Variants in HRH1 observed in about 807,000 individuals in gnomAD.
HRH1 encodes histamine receptor H1.
Under a neutral mutation model 10.3 loss-of-function variants are expected in HRH1, and 6 were observed. The ratio of observed to expected loss-of-function variants is 0.58; its 90% CI spans 0.32 to 1.15. The LOEUF (loss-of-function observed/expected upper bound fraction) is 1.15. Ranked by LOEUF, HRH1 falls within the 50% of genes most tolerant of loss-of-function variation. The probability of loss-of-function intolerance (pLI) is 0.05; values close to 1 mark genes in which losing one functional copy is unlikely to be tolerated. For missense variants in HRH1, 514 were observed against 615.3 expected (o/e 0.84, Z 1.74); for synonymous variants, 242 against 236.7 (o/e 1.02, Z -0.21).
intron 1 of HRH1, among the ~76,000 whole-genome samples, chr3:11,197,163 C>A (rs936502712): frequency 6.6e-6 from 1 of 151,396 alleles, no homozygotes; most frequent in East Asian, 1.9e-4. Flanking sequence ...GCTGGCCCAG[C>A]CATATTCAAC....
chr3:11,255,758 T>C (rs1036357333), intron 1 of HRH1, among the ~76,000 whole-genome samples: 18 of 152,192 alleles, frequency 1.2e-4, no homozygotes, highest in Non-Finnish European at 4.4e-5. Context: ...TTGCATTCTT[T>C]TGAGTTTCTG....
chr3:11,189,314 G>A (rs1937504157), intron 1 of HRH1, among the ~76,000 whole-genome samples: 1 of 152,162 alleles, frequency 6.6e-6, no homozygotes, highest in African/African-American at 2.4e-5. Context: ...ACCTTAGATT[G>A]AATCCAAGTA....
At chr3:11,246,011 C>CATAT (rs1432669315) in intron 1 of HRH1, among the ~76,000 whole-genome samples, 7 of 136,888 alleles carry the variant, frequency 5.1e-5, no homozygotes, top group African/African-American at 1.3e-4. Flanking sequence ...TACACATACA[C>CATAT]ACATACACTC....
At chr3:11,168,370 TG>T (rs1937088347) in intron 1 of HRH1, among the ~76,000 whole-genome samples, 1 of 151,816 alleles carries the variant, frequency 6.6e-6, no homozygotes, top group African/African-American at 2.4e-5. Context: ...AAGGATACAA[TG>T]GGATGTGTGG....
rs1232656216 is a variant in HRH1 at position 11,250,036 on chromosome 3, T to C, written c.-35-8967T>C. Among the ~76,000 whole-genome samples, 12 of 26,866 alleles carry C rather than the reference T, an allele frequency of 4.5e-4. No individual in the cohort carries two copies. The East Asian group carries it at 0.017, about 38-fold the overall frequency. 17.6% of individuals were successfully genotyped at this position (26,866 alleles called of 152,430 possible). On this transcript the variant is annotated intron_variant, in intron 1 of 1. Transcript: ENST00000431010. ...GAAGAGGCAGATTAAGCTTTTCTCT[T>C]TTTTTTTTTTTTTTTTTTTTTTTTG...
At chr3:11,254,553 C>T (rs1939736441) in intron 1 of HRH1, among the ~76,000 whole-genome samples, 1 of 152,210 alleles carries the variant, frequency 6.6e-6, no homozygotes, top group African/African-American at 2.4e-5. Flanking sequence ...CAGTATCTGT[C>T]TGCCTTTTCT....
intron 1 of HRH1, among the ~76,000 whole-genome samples, chr3:11,243,304 G>A (rs535348017): frequency 6.6e-6 from 1 of 152,292 alleles, no homozygotes; most frequent in South Asian, 2.1e-4. Flanking sequence ...AGAAATGATG[G>A]CAAGCGAAAA....
intron 1 of HRH1, among the ~76,000 whole-genome samples, chr3:11,204,944 C>G (rs1328520753): frequency 2.0e-5 from 3 of 152,206 alleles, no homozygotes; most frequent in African/African-American, 4.8e-5. Context: ...TCCCTCCAGC[C>G]CCACGTTTTT....
chr3:11,165,717 G>A (rs963492220), intron 1 of HRH1, among the ~76,000 whole-genome samples: 3 of 152,102 alleles, frequency 2.0e-5, no homozygotes, highest in African/African-American at 2.4e-5. Flanking sequence ...ACGTCTCTCC[G>A]GAATCAAGCA....
intron 1 of HRH1, among the ~76,000 whole-genome samples, chr3:11,195,071 T>C (rs1337958934): frequency 6.6e-6 from 1 of 152,162 alleles, no homozygotes; most frequent in African/African-American, 2.4e-5. Context: ...ACTACCCCCT[T>C]CTTAGAGACA....
intron 1 of HRH1, among the ~76,000 whole-genome samples, chr3:11,216,942 G>A (rs1938520388): frequency 6.6e-6 from 1 of 151,846 alleles, no homozygotes; most frequent in South Asian, 2.1e-4. Flanking sequence ...CCAGCACTTT[G>A]GGAGGCCGAG....
intron 1 of HRH1, among the ~76,000 whole-genome samples, chr3:11,208,154 T>C (rs1445500139): frequency 1.1e-5 from 1 of 92,898 alleles, no homozygotes; most frequent in Non-Finnish European, 2.3e-5. Context: ...CAGTTTTTTC[T>C]TTTTTTTTTT....
intron 1 of HRH1, among the ~76,000 whole-genome samples, chr3:11,249,895 T>G (rs1198412886): frequency 2.6e-5 from 4 of 151,718 alleles, no homozygotes; most frequent in Non-Finnish European, 5.9e-5. Flanking sequence ...TCTTTGACCC[T>G]GCAGATCTCC....
intron 1 of HRH1, among the ~76,000 whole-genome samples, chr3:11,247,901 C>CT (rs1406531567): frequency 1.3e-5 from 2 of 152,082 alleles, no homozygotes; most frequent in Non-Finnish European, 2.9e-5. Flanking sequence ...ATACAGCATC[C>CT]TACAAGAATG....
At chr3:11,247,882 C>T (rs987907480) in intron 1 of HRH1, among the ~76,000 whole-genome samples, 3 of 152,104 alleles carry the variant, frequency 2.0e-5, no homozygotes, top group Admixed American at 1.3e-4. Flanking sequence ...ACCGCAAATA[C>T]AGGGTATGAT....
At chr3:11,227,374 C>T (rs2125042813) in intron 1 of HRH1, among the ~76,000 whole-genome samples, 4 of 152,052 alleles carry the variant, frequency 2.6e-5, no homozygotes, top group Middle Eastern at 3.4e-3. Flanking sequence ...GCAGCCTCCG[C>T]CTCCCTGGTT....
At chr3:11,168,801 GGGCACCGCCTAGCAATGCCCCATCCA>G (rs1405189601) in intron 1 of HRH1, among the ~76,000 whole-genome samples, 3 of 152,216 alleles carry the variant, frequency 2.0e-5, no homozygotes, top group Non-Finnish European at 4.4e-5. Flanking sequence ...CATGGATTTG[GGGCACCGCCTAGCAATGCCCCATCCA>G]GGAACCCGGG....
At chr3:11,255,228 A>C (rs1369375075) in intron 1 of HRH1, among the ~76,000 whole-genome samples, 2 of 152,220 alleles carry the variant, frequency 1.3e-5, no homozygotes, top group African/African-American at 4.8e-5. Flanking sequence ...TTGGGCAATG[A>C]GAGTGAAACT....
intron 1 of HRH1, among the ~76,000 whole-genome samples, chr3:11,156,806 T>A (rs768947573): frequency 6.6e-6 from 1 of 152,204 alleles, no homozygotes; most frequent in Non-Finnish European, 1.5e-5. Context: ...CAATCCCAGC[T>A]CTGTATCCTT....
Sources: allele counts gnomAD v4.1 joint callset (sites outside exome capture counted in the v4.1 genomes callset), GRCh38; gene constraint gnomAD v4.1.1; transcripts MANE v1.5; gene names NCBI Gene and HGNC (gene_info 2026-07-23, HGNC 2026-07-21).